The following PIR variants were observed in gnomAD, a reference collection of about 807,000 sequenced individuals.
The protein encoded by PIR is pirin (iron-binding nuclear protein).
A neutral mutation model predicts 24.2 loss-of-function variants in PIR; 22 were observed. That is an observed-to-expected ratio of 0.91 (90% confidence interval 0.65 to 1.30). The LOEUF (loss-of-function observed/expected upper bound fraction) is 1.30, where lower values mean the gene tolerates loss of function less well. Among genes scored for constraint, PIR ranks in the 50% most tolerant of loss-of-function variants. PIR has a pLI of 0.00. For missense variants in PIR, 220 were observed against 220.3 expected, an observed-to-expected ratio of 1.00 and a Z score of 0.01; for synonymous variants, 80 against 79.6, an observed-to-expected ratio of 1.00 and a Z score of -0.03.
At chrX:15,449,615 A>G (rs908666696) in intron 5 of PIR, among the ~76,000 whole-genome samples, 1 of 112,274 alleles carries the variant, frequency 8.9e-6, no homozygotes, top group Non-Finnish European at 1.9e-5. Flanking sequence ...CAAAGAAATA[A>G]TGGCCATCCA....
At chrX:15,481,489 C>T (rs1393189428) in intron 2 of PIR, among the ~76,000 whole-genome samples, 1 of 111,864 alleles carries the variant, frequency 8.9e-6, no homozygotes, top group African/African-American at 3.2e-5. Flanking sequence ...CTCAATGTTT[C>T]CTCAATAGAA....
intron 3 of PIR, among the ~76,000 whole-genome samples, chrX:15,469,946 G>A (rs1921798201): frequency 8.9e-6 from 1 of 111,755 alleles, no homozygotes; most frequent in African/African-American, 3.3e-5. Context: ...GAAGGAGTAT[G>A]GGGTGTTTAT....
At chrX:15,486,056 C>G (rs1922791179) in intron 2 of PIR, among the ~76,000 whole-genome samples, 1 of 109,559 alleles carries the variant, frequency 9.1e-6, no homozygotes, top group Non-Finnish European at 1.9e-5. Context: ...TTCTTTTAGT[C>G]TCTTAAGGCC....
chrX:15,426,877 C>T (rs1203274300), intron 5 of PIR, among the ~76,000 whole-genome samples: 1 of 111,556 alleles, frequency 9.0e-6, no homozygotes, highest in East Asian at 2.8e-4. Flanking sequence ...ACCCAATATT[C>T]CAACTCATAG....
At chrX:15,400,749 A>ATTTATTTATTTATTTATTTATTTATT (rs1555953079) in intron 7 of PIR, among the ~76,000 whole-genome samples, 21 of 104,144 alleles carry the variant, frequency 2.0e-4, no homozygotes, top group East Asian at 5.9e-4. Flanking sequence ...ATTTATTTAT[A>ATTTATTTATTTATTTATTTATTTATT]TATTTATTTA....
At chrX:15,398,669 G>GGTGTGTGTGTGTGTGT (rs371177726) in intron 7 of PIR, among the ~76,000 whole-genome samples, 3 of 76,117 alleles carry the variant, frequency 3.9e-5, no homozygotes, top group Non-Finnish European at 5.1e-5. Flanking sequence ...GAGGAGGGAG[G>GGTGTGTGTGTGTGTGT]GTGTGTGTGT....
intron 5 of PIR, among the ~76,000 whole-genome samples, chrX:15,436,332 G>A (rs973691347): frequency 2.7e-5 from 3 of 111,733 alleles, no homozygotes; most frequent in African/African-American, 9.8e-5. Context: ...GGACTAAAGG[G>A]GAAGAGAATA....
chrX:15,387,058 T>TTTTTC (rs1395772237), intron 9 of PIR, among the ~76,000 whole-genome samples: 3 of 69,892 alleles, frequency 4.3e-5, no homozygotes, highest in South Asian at 7.4e-4. Context: ...TTTTGTTTTG[T>TTTTTC]TTTTCTTTTC....
intron 5 of PIR, among the ~76,000 whole-genome samples, chrX:15,442,534 C>T (rs1239895764): frequency 9.0e-6 from 1 of 111,731 alleles, no homozygotes; most frequent in Non-Finnish European, 1.9e-5. Flanking sequence ...TGTCAAAAGC[C>T]GAGACAGGCC....
chrX:15,401,349 G>A (rs772678988), intron 7 of PIR, among the ~76,000 whole-genome samples: 4 of 105,346 alleles, frequency 3.8e-5, no homozygotes, highest in South Asian at 3.8e-4. Flanking sequence ...GAGCCACTGC[G>A]CCTAACCAAG....
intron 5 of PIR, among the ~76,000 whole-genome samples, chrX:15,451,158 C>T (rs897410869): frequency 3.6e-5 from 4 of 111,545 alleles, no homozygotes; most frequent in Non-Finnish European, 7.5e-5. Flanking sequence ...ACAGCTAAAC[C>T]GGCAAGGGAG....
intron 2 of PIR, among the ~76,000 whole-genome samples, chrX:15,487,336 GT>G (rs5901565): frequency 0.44 from 47,147 of 106,556 alleles, 7,627 homozygotes; most frequent in African/African-American, 0.47. Flanking sequence ...TGAGATTGTA[GT>G]TTTTTTTTTC....
At position 15,483,111 on chromosome X, in the gene PIR, T is replaced by G. The variant is rs377101166; in HGVS notation, c.97-3290A>C. Among the ~76,000 whole-genome samples, 182 of 105,245 alleles carry G rather than the reference T, an allele frequency of 1.7e-3. 3 individuals carry two copies. The South Asian group carries it at 0.069, about 40-fold the overall frequency. The allele number at this position is 105,245 out of a possible 115,157, so 91.4% of individuals were successfully genotyped here. ...TCATTCTCCGGTTTTATCTTTATTT[T>G]AACTTTCTATGAAAAAAACATGCAC... On this transcript the variant is annotated intron_variant, in intron 2 of 9. Coordinates refer to ENST00000380420, the MANE Select transcript of PIR (RefSeq NM_001018109.3).
intron 6 of PIR, among the ~76,000 whole-genome samples, chrX:15,421,630 T>A: frequency 9.9e-6 from 1 of 101,329 alleles, no homozygotes; most frequent in Non-Finnish European, 2.0e-5. Flanking sequence ...TAACTAGTAA[T>A]GAGATAGAAG....
intron 5 of PIR, among the ~76,000 whole-genome samples, chrX:15,443,880 T>C (rs1255563349): frequency 8.9e-6 from 1 of 112,379 alleles, no homozygotes; most frequent in African/African-American, 3.2e-5. Flanking sequence ...ACTGAATTGC[T>C]ACAAGCTCAT....
intron 6 of PIR, among the ~76,000 whole-genome samples, chrX:15,410,589 A>T (rs1924711326): frequency 8.9e-6 from 1 of 111,779 alleles, no homozygotes; most frequent in Non-Finnish European, 1.9e-5. Flanking sequence ...TCCACAAATA[A>T]TTGCCTAGAT....
chrX:15,450,751 T>C (rs186994926), intron 5 of PIR, among the ~76,000 whole-genome samples: 59 of 112,515 alleles, frequency 5.2e-4, no homozygotes, highest in Non-Finnish European at 9.0e-4. Flanking sequence ...TTGCATGTGC[T>C]ATAAAAGTAT....
chrX:15,454,575 A>G (rs1192158232), intron 5 of PIR, among the ~76,000 whole-genome samples: 2 of 111,810 alleles, frequency 1.8e-5, no homozygotes, highest in East Asian at 5.6e-4. Context: ...ACCATGACCA[A>G]TCTGTTAACC....
chrX:15,420,903 G>A (rs778411506), intron 6 of PIR, among the ~76,000 whole-genome samples: 1 of 111,702 alleles, frequency 9.0e-6, no homozygotes, highest in African/African-American at 3.2e-5. Flanking sequence ...GTATTTTTCA[G>A]TCAAATAAAT....
Sources: allele counts gnomAD v4.1 joint callset (sites outside exome capture counted in the v4.1 genomes callset), GRCh38; gene constraint gnomAD v4.1.1; transcripts MANE v1.5; gene names NCBI Gene and HGNC (gene_info 2026-07-23, HGNC 2026-07-21).